WDPCP: variants seen among roughly 807,000 people sequenced by gnomAD.
The protein encoded by WDPCP is WD repeat containing planar cell polarity effector, also known as WD repeat-containing and planar cell polarity effector protein fritz homolog.
WDPCP carries 71 observed loss-of-function variants against 93.1 expected under a neutral mutation model. The ratio of observed to expected loss-of-function variants is 0.76; its 90% CI spans 0.63 to 0.93. The LOEUF (loss-of-function observed/expected upper bound fraction) is 0.93, where lower values mean the gene tolerates loss of function less well. Ranked by LOEUF, WDPCP falls within the 40% of genes least tolerant of loss-of-function variation. The probability of loss-of-function intolerance (pLI) is 0.00; values close to 1 mark genes in which losing one functional copy is unlikely to be tolerated. For missense variants in WDPCP, 844 were observed against 887.4 expected, an observed-to-expected ratio of 0.95 and a Z score of 0.62; for synonymous variants, 315 against 315.0, an observed-to-expected ratio of 1.00 and a Z score of 0.00.
At chr2:63,602,455 A>G (rs1048276113) in intron 3 of WDPCP, among the ~76,000 whole-genome samples, 1 of 150,224 alleles carries the variant, frequency 6.7e-6, no homozygotes. Context: ...CATTGATGGT[A>G]CCTTACATAA....
intron 12 of WDPCP, among the ~76,000 whole-genome samples, chr2:63,371,821 T>C (rs1047353447): frequency 1.3e-5 from 2 of 152,198 alleles, no homozygotes; most frequent in Admixed American, 6.6e-5. Context: ...GGCAATCTTA[T>C]TTAAAACTGC....
At chr2:63,123,907 CT>C (rs199840796) in intron 17 of WDPCP, among the ~76,000 whole-genome samples, 97 of 135,322 alleles carry the variant, frequency 7.2e-4, no homozygotes, top group Middle Eastern at 3.9e-3. Flanking sequence ...CTTTTCTTTT[CT>C]TTTTTTTTTT....
chr2:63,361,772 G>A (rs1026359506), intron 12 of WDPCP, among the ~76,000 whole-genome samples: 1 of 152,108 alleles, frequency 6.6e-6, no homozygotes, highest in Non-Finnish European at 1.5e-5. Flanking sequence ...AAAGAGAGAG[G>A]AGCAGTGAGG....
intron 14 of WDPCP, among the ~76,000 whole-genome samples, chr2:63,256,214 T>C (rs563063779): frequency 2.4e-4 from 36 of 152,244 alleles, no homozygotes; most frequent in African/African-American, 8.4e-4. Flanking sequence ...TTGAGATTTA[T>C]ATGGAAGGAT....
At chr2:63,243,431 T>G (rs1404768192) in intron 14 of WDPCP, among the ~76,000 whole-genome samples, 1 of 152,172 alleles carries the variant, frequency 6.6e-6, no homozygotes, top group Non-Finnish European at 1.5e-5. Flanking sequence ...ATTAGGCCTT[T>G]GTTGTATGCA....
At chr2:63,705,652 G>T (rs1474087872) in intron 2 of WDPCP, among the ~76,000 whole-genome samples, 3 of 152,100 alleles carry the variant, frequency 2.0e-5, no homozygotes, top group Non-Finnish European at 4.4e-5. Flanking sequence ...ATTGCATGTG[G>T]TCTGAGAGAC....
At chr2:63,381,017 C>T (rs565542271) in intron 11 of WDPCP, among the ~76,000 whole-genome samples, 1 of 152,184 alleles carries the variant, frequency 6.6e-6, no homozygotes, top group East Asian at 1.9e-4. Flanking sequence ...AAAAGCTCTT[C>T]AAGTAAAGAT....
In WDPCP at chr2:63,750,339, T is replaced by A. The variant is rs183619027; in HGVS notation, n.308+63283A>T. Among the ~76,000 whole-genome samples the A allele has an allele frequency of 2.6e-4, 39 of 152,178 alleles. 1 individual carries two copies. In the East Asian group the frequency reaches 6.7e-3, roughly 26 times the overall value. The stretch of plus-strand genomic sequence containing the variant: ...TTCCTATGAAATTAAAAACTCTAAT[T>A]CAGAAGGCAAGCCTATCTAAACTCA... On this transcript the variant is annotated intron_variant and non_coding_transcript_variant, in intron 2 of 4. Coordinates refer to the WDPCP transcript ENST00000467687.
chr2:63,606,836 CT>C (rs749232071), intron 3 of WDPCP: 1 of 1,576,918 alleles, frequency 6.3e-7, no homozygotes, highest in South Asian at 1.2e-5. Context: ...CAGTTTAAAT[CT>C]CTTATTTGCA....
In WDPCP at chr2:63,404,285, C is replaced by G; in HGVS notation, c.1198G>C (p.Glu400Gln). The G allele has an allele frequency of 6.2e-7, 1 of 1,614,080 alleles. No individual in the cohort carries two copies. Among genetic ancestry groups the G allele is most frequent in the African/African-American group, 1.3e-5 (1 of 75,052 alleles). The change falls in exon 10 of 18, where the codon GAG becomes CAG. Residue 400 changes from glutamate (E) to glutamine (Q), a missense_variant. Transcript: ENST00000272321. ...AGAGCCATATCAAAAATTTGCAACT[C>G]CCCTTGGTTGCTGCCAACTAGCAGA... Reference protein sequence around the residue: ...AILLVGSNQGELQIFDMALSP... With the variant: ...AILLVGSNQGQLQIFDMALSP...
At chr2:63,394,184 C>T (rs1693522966) in intron 10 of WDPCP, among the ~76,000 whole-genome samples, 2 of 152,008 alleles carry the variant, frequency 1.3e-5, no homozygotes, top group Non-Finnish European at 2.9e-5. Context: ...GGAACTTAAA[C>T]AAATGAACAA....
intron 2 of WDPCP, among the ~76,000 whole-genome samples, chr2:63,781,509 G>A (rs1670390771): frequency 6.6e-6 from 1 of 152,196 alleles, no homozygotes; most frequent in Non-Finnish European, 1.5e-5. Flanking sequence ...ATCATTTATT[G>A]AGTGCTTACC....
At chr2:63,837,371 C>G in the WDPCP span, among the ~76,000 whole-genome samples, 1 of 152,082 alleles carries the variant, frequency 6.6e-6, no homozygotes, top group Non-Finnish European at 1.5e-5. Flanking sequence ...CCTTTTTCCT[C>G]TCTCATGTGG....
chr2:63,540,436 A>G (rs894356966), intron 1 of WDPCP, among the ~76,000 whole-genome samples: 6 of 152,188 alleles, frequency 3.9e-5, no homozygotes, highest in Non-Finnish European at 8.8e-5. Context: ...TCATGGTGGG[A>G]TAAGGAGAGT....
chr2:63,684,061 CT>C (rs1668770739), intron 2 of WDPCP, among the ~76,000 whole-genome samples: 1 of 152,124 alleles, frequency 6.6e-6, no homozygotes, highest in African/African-American at 2.4e-5. Context: ...TTGGACAGAT[CT>C]TCCAGACAGA....
chr2:63,220,471 G>A (rs1677717671), intron 14 of WDPCP, among the ~76,000 whole-genome samples: 1 of 152,154 alleles, frequency 6.6e-6, no homozygotes, highest in South Asian at 2.1e-4. Context: ...GGAAAATGGT[G>A]TCTCCAACTT....
At chr2:63,485,057 C>T (rs531497131) in intron 4 of WDPCP, 70 bp from the exon 5 acceptor site, 56 of 1,540,392 alleles carry the variant, frequency 3.6e-5, no homozygotes, top group Non-Finnish European at 4.8e-5. Flanking sequence ...TAGCAGTGTG[C>T]CTTAGGGAGA....
At chr2:63,680,450 C>A (rs1710478170) in intron 2 of WDPCP, among the ~76,000 whole-genome samples, 1 of 152,198 alleles carries the variant, frequency 6.6e-6, no homozygotes. Flanking sequence ...CAGTGGAAAG[C>A]AAAACCAGGT....
At chr2:63,597,233 T>C (rs1709330951) in intron 3 of WDPCP, 3 of 943,832 alleles carry the variant, frequency 3.2e-6, no homozygotes, top group Non-Finnish European at 3.8e-6. Flanking sequence ...AATGTTATGA[T>C]TGTTAAATTA....
Sources: gnomAD v4.1 joint callset for allele counts (sites outside exome capture counted in the v4.1 genomes callset) on GRCh38, gnomAD v4.1.1 for gene constraint, MANE v1.5 for transcripts, NCBI Gene and HGNC (gene_info 2026-07-23, HGNC 2026-07-21) for gene names.